The following KLHL29 variants were observed in gnomAD, a reference collection of about 807,000 sequenced individuals.
The protein encoded by KLHL29 is kelch like family member 29, also known as kelch-like protein 29.
Under a neutral mutation model 80.4 loss-of-function variants are expected in KLHL29, and 21 were observed. That is an observed-to-expected ratio of 0.26 (90% CI 0.19 to 0.38). KLHL29 has a LOEUF of 0.38. KLHL29 is among the 10% of genes least tolerant of loss of function. The probability of loss-of-function intolerance (pLI) is 1.00; values close to 1 mark genes in which losing one functional copy is unlikely to be tolerated. For synonymous variants in KLHL29, 511 were observed against 526.8 expected (o/e 0.97, Z 0.41); for missense variants, 867 against 1,223.9 (o/e 0.71, Z 4.35).
intron 4 of KLHL29, among the ~76,000 whole-genome samples, chr2:23,639,658 T>C (rs1336186862): frequency 7.9e-6 from 1 of 126,508 alleles, no homozygotes; most frequent in Non-Finnish European, 1.8e-5. Context: ...AACTGGGGTG[T>C]TCTACCCTCG....
chr2:23,431,914 A>G (rs1367633863), intron 1 of KLHL29, among the ~76,000 whole-genome samples: 2 of 151,728 alleles, frequency 1.3e-5, no homozygotes, highest in African/African-American at 4.8e-5. Context: ...AAAAAAAAAA[A>G]AAAAAAAAGC....
chr2:23,670,922 C>T (rs1359428470), intron 5 of KLHL29, among the ~76,000 whole-genome samples: 5 of 2,332 alleles, frequency 2.1e-3, no homozygotes, highest in Admixed American at 4.4e-3. Context: ...CACGCGCTCT[C>T]TCTCTCTCTC....
At chr2:23,495,266 G>T (rs1225171498) in intron 2 of KLHL29, among the ~76,000 whole-genome samples, 3 of 152,128 alleles carry the variant, frequency 2.0e-5, no homozygotes, top group African/African-American at 7.2e-5. Flanking sequence ...GTTCTAGGAG[G>T]TGCCTCTGTG....
chr2:23,641,765 C>A (rs1383143574), intron 4 of KLHL29, among the ~76,000 whole-genome samples: 1 of 152,184 alleles, frequency 6.6e-6, no homozygotes, highest in Non-Finnish European at 1.5e-5. Flanking sequence ...GGGCAGATCA[C>A]CTGAGCTCAG....
chr2:23,492,426 C>T (rs1403091424), intron 2 of KLHL29, among the ~76,000 whole-genome samples: 6 of 152,222 alleles, frequency 3.9e-5, no homozygotes, highest in Non-Finnish European at 8.8e-5. Context: ...CACCCCCAGC[C>T]CTTGCTGTTT....
At chr2:23,518,430 G>A (rs988661827) in intron 2 of KLHL29, among the ~76,000 whole-genome samples, 6 of 152,284 alleles carry the variant, frequency 3.9e-5, no homozygotes, top group African/African-American at 1.4e-4. Context: ...AAAGAGAGGG[G>A]GGATCTTCCC....
At chr2:23,664,837 C>T (rs1670510250) in intron 5 of KLHL29, among the ~76,000 whole-genome samples, 1 of 151,872 alleles carries the variant, frequency 6.6e-6, no homozygotes, top group African/African-American at 2.4e-5. Flanking sequence ...GGGCCAATCA[C>T]TCCCCTTCCC....
chr2:23,401,853 A>G (rs1666606245), intron 1 of KLHL29, among the ~76,000 whole-genome samples: 1 of 152,230 alleles, frequency 6.6e-6, no homozygotes, highest in African/African-American at 2.4e-5. Context: ...TGTAGGGAGC[A>G]GTCCCCACAT....
chr2:23,446,039 T>C (rs1041932792), intron 1 of KLHL29, among the ~76,000 whole-genome samples: 3 of 152,188 alleles, frequency 2.0e-5, no homozygotes, highest in Admixed American at 2.0e-4. Context: ...TTTTAACTTA[T>C]ATTTTTGCAA....
At chr2:23,621,948 G>T (rs1014345855) in intron 3 of KLHL29, among the ~76,000 whole-genome samples, 2 of 152,188 alleles carry the variant, frequency 1.3e-5, no homozygotes, top group African/African-American at 4.8e-5. Context: ...GTGTGTAAAT[G>T]TATGTAAGAA....
chr2:23,652,821 C>G (rs961350631), intron 5 of KLHL29, among the ~76,000 whole-genome samples: 1 of 152,200 alleles, frequency 6.6e-6, no homozygotes, highest in Admixed American at 6.5e-5. Context: ...GCTGTCCACT[C>G]GGCTGATTTC....
chr2:23,392,420 A>G (rs1050884356), intron 1 of KLHL29, among the ~76,000 whole-genome samples: 2 of 152,206 alleles, frequency 1.3e-5, no homozygotes, highest in African/African-American at 4.8e-5. Flanking sequence ...CATCTTTAGT[A>G]TCATAATTTT....
chr2:23,572,418 G>A (rs935492748), intron 3 of KLHL29, among the ~76,000 whole-genome samples: 18 of 152,164 alleles, frequency 1.2e-4, no homozygotes, highest in South Asian at 4.2e-4. Flanking sequence ...TTTTGCTTAC[G>A]TTCCTATTAT....
intron 1 of KLHL29, among the ~76,000 whole-genome samples, chr2:23,455,259 G>T (rs529090799): frequency 1.6e-4 from 24 of 152,206 alleles, no homozygotes; most frequent in African/African-American, 5.8e-4. Flanking sequence ...GTAAAGCTCT[G>T]TAAAAAGGTT....
chr2:23,509,277 A>G (rs1384833205), intron 2 of KLHL29, among the ~76,000 whole-genome samples: 1 of 152,138 alleles, frequency 6.6e-6, no homozygotes, highest in Admixed American at 6.5e-5. Flanking sequence ...AGAAAGGCAA[A>G]TGACACCCAG....
At chr2:23,593,949 G>A (rs1452929745) in intron 3 of KLHL29, among the ~76,000 whole-genome samples, 1 of 152,144 alleles carries the variant, frequency 6.6e-6, no homozygotes, top group Non-Finnish European at 1.5e-5. Flanking sequence ...CCTGGGAGAA[G>A]GGTCTGATCA....
intron 2 of KLHL29, among the ~76,000 whole-genome samples, chr2:23,526,969 G>T (rs1311334018): frequency 6.6e-6 from 1 of 152,154 alleles, no homozygotes; most frequent in African/African-American, 2.4e-5. Context: ...CGTGCTCGGG[G>T]TTAGCATGGT....
Position 23,536,880 on chromosome 2 carries a change from AAGAC to A in KLHL29, c.-45-25268_-45-25265del, listed in dbSNP as rs1453337086. Reference sequence around the variant, plus strand: ...TCCCTTCCTACTAACGAAATAGCGAAAGACAGATCTCACACACACACACACACAC... The same window carrying A: ...TCCCTTCCTACTAACGAAATAGCGAAAGATCTCACACACACACACACACAC... On this transcript the variant is annotated intron_variant, in intron 2 of 13. Coordinates refer to ENST00000486442, the MANE Select transcript of KLHL29 (RefSeq NM_052920.2). Among the ~76,000 whole-genome samples, 7 of 147,830 alleles carry A rather than the reference AAGAC, an allele frequency of 4.7e-5. No individual in the cohort carries two copies. The South Asian group carries it at 1.5e-3, about 32-fold the overall frequency.
chr2:23,673,547 C>A (rs935765173), intron 5 of KLHL29, among the ~76,000 whole-genome samples: 5 of 151,918 alleles, frequency 3.3e-5, no homozygotes, highest in Non-Finnish European at 7.4e-5. Context: ...GGCACATACA[C>A]ACGCCCATGC....
Sources: allele counts gnomAD v4.1 joint callset (sites outside exome capture counted in the v4.1 genomes callset), GRCh38; gene constraint gnomAD v4.1.1; transcripts MANE v1.5; gene names NCBI Gene and HGNC (gene_info 2026-07-23, HGNC 2026-07-21).